NBAS: variants seen among roughly 807,000 people sequenced by gnomAD.
NBAS encodes the protein NAG/BC035112 fusion.
NBAS carries 219 observed loss-of-function variants against 302.5 expected under a neutral mutation model. The ratio of observed to expected loss-of-function variants is 0.72; its 90% CI spans 0.65 to 0.81. The LOEUF (loss-of-function observed/expected upper bound fraction) is 0.81, where lower values mean the gene tolerates loss of function less well. Among genes scored for constraint, NBAS ranks in the 30% least tolerant of loss-of-function variants. NBAS has a pLI of 0.00. For synonymous variants in NBAS, 1,118 were observed against 1,021.6 expected, an observed-to-expected ratio of 1.09 and a Z score of -1.80; for missense variants, 2,932 against 2,841.6, an observed-to-expected ratio of 1.03 and a Z score of -0.72.
At chr2:14,941,751 G>C in the NBAS span, among the ~76,000 whole-genome samples, 1 of 152,238 alleles carries the variant, frequency 6.6e-6, no homozygotes, top group Admixed American at 6.5e-5. Flanking sequence ...TTAGGAATTG[G>C]TCTCCTATTT....
intron 44 of NBAS, among the ~76,000 whole-genome samples, chr2:15,242,736 T>C (rs1667921823): frequency 6.6e-6 from 1 of 151,980 alleles, no homozygotes; most frequent in African/African-American, 2.4e-5. Flanking sequence ...TAACATGTCA[T>C]TCATGTATAT....
At chr2:15,486,043 G>T (rs936601929) in intron 12 of NBAS, among the ~76,000 whole-genome samples, 5 of 152,196 alleles carry the variant, frequency 3.3e-5, no homozygotes, top group African/African-American at 4.8e-5. Context: ...CTGAACAGCA[G>T]CAGGAAAGGG....
chr2:15,030,038 A>G, the NBAS span, among the ~76,000 whole-genome samples: 4 of 152,204 alleles, frequency 2.6e-5, no homozygotes, highest in Admixed American at 1.3e-4. Context: ...ACTTTTTAGC[A>G]TGGAAAAAAA....
At chr2:15,160,754 GCT>G in the NBAS span, among the ~76,000 whole-genome samples, 2 of 152,224 alleles carry the variant, frequency 1.3e-5, no homozygotes, top group African/African-American at 4.8e-5. Context: ...CACAGATTGA[GCT>G]CAGACAGATG....
chr2:14,882,331 C>G, the NBAS span, among the ~76,000 whole-genome samples: 255 of 144,420 alleles, frequency 1.8e-3, no homozygotes, highest in Non-Finnish European at 2.7e-3. Flanking sequence ...TCCCCAGATC[C>G]ACACCCAGAT....
At chr2:15,477,323 G>A (rs1465930753) in intron 13 of NBAS, among the ~76,000 whole-genome samples, 1 of 151,676 alleles carries the variant, frequency 6.6e-6, no homozygotes, top group Admixed American at 6.6e-5. Flanking sequence ...GTGCAGTCCC[G>A]CGATCTCGGC....
intron 35 of NBAS, among the ~76,000 whole-genome samples, chr2:15,348,166 G>C (rs551765075): frequency 2.0e-5 from 3 of 152,260 alleles, no homozygotes; most frequent in East Asian, 3.9e-4. Context: ...TCTGAAATGT[G>C]CCTCATAAAT....
the NBAS span, among the ~76,000 whole-genome samples, chr2:15,075,727 A>G: frequency 6.6e-6 from 1 of 151,854 alleles, no homozygotes; most frequent in Non-Finnish European, 1.5e-5. Context: ...TATGTGTAGT[A>G]TGATGCCATT....
chr2:15,275,943 T>A, intron 43 of NBAS, 125 bp from the exon 44 acceptor site: 1 of 795,498 alleles, frequency 1.3e-6, no homozygotes, highest in African/African-American at 1.7e-5. Context: ...TAGCTCTAAG[T>A]AGCTAGTTTA....
chr2:15,363,257 T>C (rs1404006952), intron 32 of NBAS, among the ~76,000 whole-genome samples: 2 of 152,188 alleles, frequency 1.3e-5, no homozygotes. Flanking sequence ...TTCCTGGTAA[T>C]GAAGTCTTTA....
chr2:15,193,184 T>C (rs1359902902), intron 48 of NBAS, among the ~76,000 whole-genome samples: 1 of 152,184 alleles, frequency 6.6e-6, no homozygotes, highest in Non-Finnish European at 1.5e-5. Context: ...TTTCTTCTAA[T>C]GTCCACTAAT....
chr2:15,002,246 C>T, the NBAS span, among the ~76,000 whole-genome samples: 2 of 151,910 alleles, frequency 1.3e-5, no homozygotes, highest in Non-Finnish European at 2.9e-5. Flanking sequence ...GAGTGCCTGC[C>T]GATTGGTGTA....
chr2:15,106,271 A>C, the NBAS span, among the ~76,000 whole-genome samples: 3 of 152,214 alleles, frequency 2.0e-5, no homozygotes, highest in South Asian at 6.2e-4. Context: ...AGGAAGATTC[A>C]CATTGAGGGC....
chr2:14,804,686 C>T, the NBAS span, among the ~76,000 whole-genome samples: 1 of 151,910 alleles, frequency 6.6e-6, no homozygotes, highest in African/African-American at 2.4e-5. Context: ...ATTTTAGCTC[C>T]GATGTAAAGT....
At chr2:15,233,701 T>C (rs1020530870) in intron 46 of NBAS, among the ~76,000 whole-genome samples, 5 of 152,168 alleles carry the variant, frequency 3.3e-5, no homozygotes, top group African/African-American at 1.2e-4. Flanking sequence ...AAATTCTATA[T>C]ATCTCCCTAT....
the NBAS span, among the ~76,000 whole-genome samples, chr2:15,095,437 G>A: frequency 1.9e-4 from 29 of 152,116 alleles, no homozygotes; most frequent in Admixed American, 2.6e-4. Context: ...ATCAGATCTC[G>A]TGAGACTTAT....
chr2:14,805,911 AT>A, the NBAS span, among the ~76,000 whole-genome samples: 15 of 152,254 alleles, frequency 9.9e-5, no homozygotes, highest in South Asian at 3.1e-3. Context: ...CATCTCCAGT[AT>A]AATGCCCTTC....
chr2:14,911,016 T>C, the NBAS span, among the ~76,000 whole-genome samples: 1 of 152,330 alleles, frequency 6.6e-6, no homozygotes, highest in African/African-American at 2.4e-5. Context: ...CAGAAAAGTT[T>C]AGCAAAATCA....
rs1157452921 is a variant in NBAS, at chr2:15,275,836, A to G, written c.5390-18T>C. 1.9e-6 allele frequency: 3 copies of G among 1,599,918 alleles called. No individual in the cohort carries two copies. The highest frequency in any genetic ancestry group is 1.7e-4 in the Middle Eastern group (1 of 6,038). On this transcript the variant is annotated intron_variant, in intron 43 of 51. Coordinates refer to ENST00000281513, the MANE Select transcript of NBAS (RefSeq NM_015909.4). ...ATTAAGACCTAGCAGAAAAAAAAAG[A>G]AAGTAGGTAAGTGGTTCATTCCAAT...
Sources: gnomAD v4.1 joint callset for allele counts (sites outside exome capture counted in the v4.1 genomes callset) on GRCh38, gnomAD v4.1.1 for gene constraint, MANE v1.5 for transcripts, NCBI Gene and HGNC (gene_info 2026-07-23, HGNC 2026-07-21) for gene names.